The following P2RX4 variants were observed in gnomAD, a reference collection of about 807,000 sequenced individuals.
The protein encoded by P2RX4 is purinergic receptor P2X 4.
A neutral mutation model predicts 48.0 loss-of-function variants in P2RX4; 37 were observed. That is an observed-to-expected ratio of 0.77 (90% CI 0.59 to 1.01). The LOEUF (loss-of-function observed/expected upper bound fraction) is 1.01. P2RX4 is among the 50% of genes least tolerant of loss of function. The pLI is 0.00. For synonymous variants in P2RX4, 200 were observed against 199.7 expected, an observed-to-expected ratio of 1.00 and a Z score of -0.01; for missense variants, 501 against 521.4, an observed-to-expected ratio of 0.96 and a Z score of 0.38.
At position 121,233,534 on chromosome 12, in the gene P2RX4, T is replaced by C; in HGVS notation, c.1152T>C (p.Ser384=). The C allele has an allele frequency of 3.7e-6, 6 of 1,609,086 alleles. No homozygotes were observed. The highest frequency in any genetic ancestry group is 5.1e-6 in the Non-Finnish European group (6 of 1,177,518). Residue 384 remains serine (S), a synonymous_variant, in exon 12 of 12, where the codon AGT becomes AGC. Coordinates refer to ENST00000337233, the MANE Select transcript of P2RX4 (RefSeq NM_002560.3). ...GTCCTTCTTTGCAGGGTCTTGCTAGTGAGCTGGACCAGTGAGGCCTACCCC... is the reference window on the plus strand; with the variant it reads ...GTCCTTCTTTGCAGGGTCTTGCTAGCGAGCTGGACCAGTGAGGCCTACCCC... ...YVEDYEQGLA[S]ELDQ
intron 8 of P2RX4, among the ~76,000 whole-genome samples, chr12:121,230,698 G>T (rs1887287461): frequency 6.6e-6 from 1 of 152,132 alleles, no homozygotes; most frequent in Non-Finnish European, 1.5e-5. Context: ...CCCAACCTCG[G>T]GCAGCACCAG....
intron 8 of P2RX4, among the ~76,000 whole-genome samples, chr12:121,230,366 A>G (rs1220494819): frequency 1.3e-5 from 2 of 152,170 alleles, no homozygotes; most frequent in African/African-American, 4.8e-5. Flanking sequence ...CTGGGCGACA[A>G]AGCAAGTCTC....
Position 121,233,377 on chromosome 12 carries a change from G to A in P2RX4, c.1141-146G>A, listed in dbSNP as rs919938067. 4 of 789,590 alleles carry A rather than the reference G, an allele frequency of 5.1e-6. No individual in the cohort carries two copies. In the Admixed American group the frequency reaches 8.3e-5, roughly 16 times the overall value. 48.9% of individuals were successfully genotyped at this position (789,590 alleles called of 1,614,324 possible). On this transcript the variant is annotated intron_variant, in intron 11 of 11. Transcript: ENST00000337233. ...GCCTGTGGGCACACACTACTTCAGT[G>A]CACCTTGCGGAACAGGAAGGGTTGG...
At chr12:121,231,550 C>T (rs80336176) in intron 8 of P2RX4, among the ~76,000 whole-genome samples, 6,221 of 152,180 alleles carry the variant, frequency 0.041, 170 homozygotes, top group South Asian at 0.12. Context: ...TGGCCTTTTG[C>T]GTCTGGCTCC....
chr12:121,222,295 G>T, intron 4 of P2RX4, 129 bp downstream of exon 4: 1 of 697,288 alleles, frequency 1.4e-6, no homozygotes, highest in Non-Finnish European at 2.5e-6. Context: ...CGAGGCTGGG[G>T]TCCTGGAGCC....
At chr12:121,217,495 T>C (rs1400371901) in intron 2 of P2RX4, among the ~76,000 whole-genome samples, 1 of 152,186 alleles carries the variant, frequency 6.6e-6, no homozygotes, top group Non-Finnish European at 1.5e-5. Flanking sequence ...CTTGAAAGCA[T>C]GGCAGGCTGA....
At position 121,233,679 on chromosome 12, in the gene P2RX4, A is replaced by C; in HGVS notation, c.*130A>C. 6.5e-7 allele frequency: 1 copy of C among 1,536,464 alleles called. No homozygotes were observed. On this transcript the variant is annotated 3_prime_UTR_variant, in exon 12 of 12. Transcript: ENST00000337233. The stretch of plus-strand genomic sequence containing the variant: ...TTGAGTCTCCACTCCACAAGCACTC[A>C]GGGTTCCCCAGCAGCTCCTGTGTGT...
intron 1 of P2RX4, 92 bp from the exon 2 acceptor site, chr12:121,217,042 G>C (rs758079624): frequency 8.7e-6 from 11 of 1,267,636 alleles, no homozygotes; most frequent in Admixed American, 1.7e-5. Context: ...AGTCAACATC[G>C]TACTTCCAGC....
rs750261530 is a variant in P2RX4 at position 121,217,175 on chromosome 12, C to T, written c.176C>T (p.Ser59Phe). The change falls in exon 2 of 12, where the codon TCC becomes TTC. Residue 59 changes from serine to phenylalanine, a missense_variant. Around this residue, in one of 3 missense-constraint regions of P2RX4, gnomAD observed 295 missense variants for 275.3 expected, o/e 1.07. Coordinates refer to ENST00000337233, the MANE Select transcript of P2RX4 (RefSeq NM_002560.3). ...GAAAAGGGCTACCAGGAAACTGACT[C>T]CGTGGTCAGCTCCGTTACGACCAAG... ...VWEKGYQETD[S>F]VVSSVTTKVK... The T allele has an allele frequency of 6.2e-7, 1 of 1,614,148 alleles. No homozygotes were observed. The highest frequency in any genetic ancestry group is 2.2e-5 in the East Asian group (1 of 44,886).
Position 121,217,300 on chromosome 12 carries a change from C to T in P2RX4, c.282+19C>T. On this transcript the variant is annotated intron_variant, in intron 2 of 11. Coordinates refer to ENST00000337233, the MANE Select transcript of P2RX4 (RefSeq NM_002560.3). ...AGCTCAGGTGTGTCTCCCACTGTGTCTTCTGTCTAACACTGACACCTTGCT... is the reference window on the plus strand; with the variant it reads ...AGCTCAGGTGTGTCTCCCACTGTGTTTTCTGTCTAACACTGACACCTTGCT... The T allele has an allele frequency of 6.2e-7, 1 of 1,612,636 alleles. No individual in the cohort carries two copies. The highest frequency in any genetic ancestry group is 8.5e-7 in the Non-Finnish European group (1 of 1,178,808).
At chr12:121,231,342 A>G (rs1180051) in intron 8 of P2RX4, among the ~76,000 whole-genome samples, 51,570 of 152,026 alleles carry the variant, frequency 0.34, 8,975 homozygotes, top group South Asian at 0.39. Flanking sequence ...TACCGTTCAC[A>G]CATTTGAAGT....
chr12:121,222,882 CA>C, intron 4 of P2RX4, 64 bp from the exon 5 acceptor site: 1 of 1,450,008 alleles, frequency 6.9e-7, no homozygotes, highest in East Asian at 2.3e-5. Flanking sequence ...CTCCCTACTC[CA>C]AAAAGGTAGA....
intron 2 of P2RX4, among the ~76,000 whole-genome samples, chr12:121,218,998 T>C (rs1318813317): frequency 6.6e-6 from 1 of 151,882 alleles, no homozygotes; most frequent in Non-Finnish European, 1.5e-5. Flanking sequence ...GCACTCCAGC[T>C]AGGGCAACAG....
intron 2 of P2RX4, among the ~76,000 whole-genome samples, chr12:121,217,745 G>A (rs1886321814): frequency 6.8e-6 from 1 of 147,446 alleles, no homozygotes; most frequent in Non-Finnish European, 1.5e-5. Flanking sequence ...GGGCAATGTG[G>A]TGAAACCCCA....
At chr12:121,230,898 GCTCT>G (rs914297550) in intron 8 of P2RX4, among the ~76,000 whole-genome samples, 102 of 148,062 alleles carry the variant, frequency 6.9e-4, no homozygotes, top group Middle Eastern at 3.6e-3. Flanking sequence ...TCGCGTGCTC[GCTCT>G]CTCTCTCTCT....
chr12:121,212,818 A>ATTTTTT lies in P2RX4; in HGVS notation c.134+2521_134+2522insTTTTTT, dbSNP rs1392673928. 10 of 31,792 alleles carry ATTTTTT rather than the reference A, an allele frequency of 3.1e-4. 1 individual carries two copies. The highest frequency in any genetic ancestry group is 1.7e-4 in the Non-Finnish European group (3 of 17,614). The allele number at this position is 31,792 out of a possible 1,614,324, so 2.0% of individuals were successfully genotyped here. A position where few individuals can be genotyped will look rare whatever the true frequency, so the allele number is the denominator to read the frequency against. On this transcript the variant is annotated intron_variant, in intron 1 of 11. Transcript: ENST00000337233. ...TATATATATATATATATATATATAT[A>ATTTTTT]TATATATTTTTTTTTTTTTTTTGGA...
At chr12:121,212,067 GT>G (rs1327295504) in intron 1 of P2RX4, among the ~76,000 whole-genome samples, 1 of 152,116 alleles carries the variant, frequency 6.6e-6, no homozygotes. Flanking sequence ...CCAATGAACT[GT>G]GTTTCCCAAG....
chr12:121,228,893 C>T, intron 7 of P2RX4, 27 bp downstream of exon 7: 1 of 1,614,086 alleles, frequency 6.2e-7, no homozygotes, highest in Non-Finnish European at 8.5e-7. Flanking sequence ...GCTCTCCTGA[C>T]CCAGCCCTGG....
chr12:121,232,858 C>A lies in P2RX4; in HGVS notation c.1045-139C>A. The A allele has an allele frequency of 1.2e-6, 1 of 867,036 alleles. No individual in the cohort carries two copies. The highest frequency in any genetic ancestry group is 2.0e-6 in the Non-Finnish European group (1 of 509,430). 53.7% of individuals were successfully genotyped at this position (867,036 alleles called of 1,614,324 possible). On this transcript the variant is annotated intron_variant, in intron 10 of 11. Coordinates refer to ENST00000337233, the MANE Select transcript of P2RX4 (RefSeq NM_002560.3). This position sits in a 1 kb window ranked among gnomAD's most constrained non-coding sequence, Gnocchi z 4.3. ...TCTCCAAGACCACCCCCCTCAGGTC[C>A]CAGCCTTCTCCCAAGAGATGGGAGT...
Sources: gnomAD v4.1 joint callset for allele counts (sites outside exome capture counted in the v4.1 genomes callset) on GRCh38, gnomAD v4.1.1 for gene constraint, gnomAD v4.1.1 regional missense constraint, Gnocchi (gnomAD v3.1) non-coding constraint, MANE v1.5 for transcripts, NCBI Gene and HGNC (gene_info 2026-07-23, HGNC 2026-07-21) for gene names.